Variants in ASPA observed in about 807,000 individuals in gnomAD.
The protein encoded by ASPA is ACY-2.
A neutral mutation model predicts 29.6 loss-of-function variants in ASPA; 25 were observed. The observed-to-expected ratio is 0.85, with a 90% CI of 0.62 to 1.18. The LOEUF is 1.18. ASPA is among the 50% of genes most tolerant of loss of function. The pLI is 0.00. For missense variants in ASPA, 333 were observed against 385.7 expected (o/e 0.86, Z 1.14); for synonymous variants, 131 against 130.3 (o/e 1.01, Z -0.04).
At chr17:3,492,536 T>C (rs2073842700) in intron 4 of ASPA, among the ~76,000 whole-genome samples, 1 of 152,208 alleles carries the variant, frequency 6.6e-6, no homozygotes, top group African/African-American at 2.4e-5. Flanking sequence ...AGAGTCTATT[T>C]TTCCACTTCT....
intron 4 of ASPA, among the ~76,000 whole-genome samples, chr17:3,493,525 C>T (rs2073858994): frequency 7.8e-6 from 1 of 127,622 alleles, no homozygotes; most frequent in East Asian, 2.6e-4. Flanking sequence ...CACGCCACTG[C>T]ACTCCAGCCT....
upstream of ASPA, among the ~76,000 whole-genome samples, chr17:3,474,401 A>G (rs2073491160): frequency 6.6e-6 from 1 of 152,210 alleles, no homozygotes; most frequent in African/African-American, 2.4e-5. Context: ...CAAACTACAA[A>G]TCAGCAGAAA....
intron 5 of ASPA, among the ~76,000 whole-genome samples, chr17:3,496,426 A>G (rs1360513950): frequency 6.6e-6 from 1 of 152,242 alleles, no homozygotes. Context: ...GTGCCATCTC[A>G]GAGATGGTGG....
chr17:3,493,790 G>A (rs1226369542), intron 4 of ASPA, among the ~76,000 whole-genome samples: 1 of 152,072 alleles, frequency 6.6e-6, no homozygotes, highest in African/African-American at 2.4e-5. Context: ...CAGGTCTCCT[G>A]ACCCCTAAAC....
At chr17:3,475,706 GA>G (rs1400148597), upstream of ASPA, 2 of 184,222 alleles carry the variant, frequency 1.1e-5, no homozygotes, top group Non-Finnish European at 2.3e-5. Context: ...AATGCCCGTG[GA>G]AATACTGAGT....
At chr17:3,489,371 A>G in intron 4 of ASPA, 29 bp downstream of exon 4, 1 of 1,516,994 alleles carries the variant, frequency 6.6e-7, no homozygotes, top group Non-Finnish European at 9.2e-7. Flanking sequence ...AACGTTATCA[A>G]ACTTAACCAC....
In ASPA at chr17:3,490,537, G is replaced by A. The variant is rs1053017969; in HGVS notation, c.634+1195G>A. On this transcript the variant is annotated intron_variant, in intron 4 of 5. Transcript: ENST00000263080. The surrounding 1 kb of genome is among the most constrained non-coding windows in gnomAD (Gnocchi z 4.6). ...GGAGTGAATTCCTCAACCTCAGATC[G>A]TGCGCACCCCACTGCAATCACAGAC... Among the ~76,000 whole-genome samples, 13 of 152,024 alleles carry A rather than the reference G, an allele frequency of 8.6e-5. No individual in the cohort carries two copies. The highest frequency in any genetic ancestry group is 3.9e-4 in the Admixed American group (6 of 15,284).
In ASPA at chr17:3,488,443, G is replaced by A. The variant is rs970344525; in HGVS notation, c.527-792G>A. On this transcript the variant is annotated intron_variant, in intron 3 of 5. Transcript: ENST00000263080. The surrounding 1 kb of genome is among the most constrained non-coding windows in gnomAD (Gnocchi z 6.1). ...AAGCCGAGAAGGGCAGATTACCTGC[G>A]GTCAGGAGTTTGAGACCAGCCTGAC... is the stretch of plus-strand genomic sequence containing the variant. 6.6e-6 allele frequency among the ~76,000 whole-genome samples: 1 copy of A among 152,124 alleles called. No individual in the cohort carries two copies. The highest frequency in any genetic ancestry group is 1.5e-5 in the Non-Finnish European group (1 of 68,024).
intron 2 of ASPA, among the ~76,000 whole-genome samples, chr17:3,482,982 G>A (rs970267243): frequency 1.2e-4 from 15 of 129,178 alleles, no homozygotes; most frequent in South Asian, 2.5e-4. Flanking sequence ...AAGAGAGAGC[G>A]GAATGCTTTG....
At chr17:3,491,877 CTTT>C (rs540965896) in intron 4 of ASPA, among the ~76,000 whole-genome samples, 1 of 123,060 alleles carries the variant, frequency 8.1e-6, no homozygotes, top group Non-Finnish European at 1.6e-5. Context: ...CTTTTGTTTT[CTTT>C]TTTTTTTTTT....
At chr17:3,476,845 T>C (rs1049550663) in intron 1 of ASPA, among the ~76,000 whole-genome samples, 3 of 152,216 alleles carry the variant, frequency 2.0e-5, no homozygotes, top group African/African-American at 7.2e-5. Flanking sequence ...AAAAATGTAA[T>C]GTTTCAAGTA....
At chr17:3,494,544 G>T (rs1165480945) in intron 5 of ASPA, 85 bp downstream of exon 5, 2 of 1,134,940 alleles carry the variant, frequency 1.8e-6, no homozygotes, top group Admixed American at 3.4e-5. Flanking sequence ...AGCACTTCGC[G>T]TACATTCGCC....
chr17:3,476,800 A>G (rs2073530578), intron 1 of ASPA, among the ~76,000 whole-genome samples: 1 of 152,238 alleles, frequency 6.6e-6, no homozygotes, highest in Non-Finnish European at 1.5e-5. Context: ...TTTTCAAGCA[A>G]CTATGCTTAC....
At chr17:3,480,830 G>A (rs1597428841) in intron 1 of ASPA, among the ~76,000 whole-genome samples, 1 of 152,350 alleles carries the variant, frequency 6.6e-6, no homozygotes, top group African/African-American at 2.4e-5. Context: ...GGATAGCTTG[G>A]AGATTAGAAG....
upstream of ASPA, among the ~76,000 whole-genome samples, chr17:3,474,594 A>G (rs893880449): frequency 6.6e-6 from 1 of 151,984 alleles, no homozygotes; most frequent in African/African-American, 2.4e-5. Context: ...TTTTTTTTCT[A>G]TTAGAACAGT....
At chr17:3,474,533 A>T (rs1200459309), upstream of ASPA, among the ~76,000 whole-genome samples, 1 of 152,214 alleles carries the variant, frequency 6.6e-6, no homozygotes, top group Non-Finnish European at 1.5e-5. Flanking sequence ...ACACCGTCTG[A>T]AGTGTTCAGT....
intron 3 of ASPA, among the ~76,000 whole-genome samples, chr17:3,487,688 T>G (rs2073750257): frequency 6.6e-6 from 1 of 152,192 alleles, no homozygotes; most frequent in Non-Finnish European, 1.5e-5. Flanking sequence ...TAAAGATTCC[T>G]TCATTCTTAA....
At chr17:3,489,148 T>A in intron 3 of ASPA, 87 bp from the exon 4 acceptor site, 2 of 843,038 alleles carry the variant, frequency 2.4e-6, no homozygotes, top group South Asian at 3.1e-5. Context: ...AACAACATAA[T>A]TCTAAATCTT....
intron 5 of ASPA, among the ~76,000 whole-genome samples, chr17:3,495,691 C>A (rs1441402672): frequency 6.6e-6 from 1 of 152,198 alleles, no homozygotes; most frequent in Non-Finnish European, 1.5e-5. Flanking sequence ...GCCTCAGCCT[C>A]CCGAGTAGCT....
Sources: allele counts gnomAD v4.1 joint callset (sites outside exome capture counted in the v4.1 genomes callset), GRCh38; gene constraint gnomAD v4.1.1; non-coding constraint Gnocchi (gnomAD v3.1); transcripts MANE v1.5; gene names NCBI Gene and HGNC (gene_info 2026-07-23, HGNC 2026-07-21).